Variants in CFTR observed in about 807,000 individuals in gnomAD.
CFTR encodes CF transmembrane conductance regulator, also known as cystic fibrosis transmembrane conductance regulator.
CFTR carries 181 observed loss-of-function variants against 171.6 expected under a neutral mutation model. The observed-to-expected ratio is 1.05, with a 90% confidence interval of 0.93 to 1.19. The LOEUF (loss-of-function observed/expected upper bound fraction) is 1.19. Among genes scored for constraint, CFTR ranks in the 50% most tolerant of loss-of-function variants. The pLI, the probability that CFTR is intolerant of heterozygous loss-of-function variation, is 0.00. For synonymous variants in CFTR, 583 were observed against 608.0 expected (o/e 0.96, Z 0.60); for missense variants, 1,968 against 1,734.7 (o/e 1.13, Z -2.39).
At chr7:117,482,699 CTATT>C (rs570077000) in intron 1 of CFTR, among the ~76,000 whole-genome samples, 4 of 152,252 alleles carry the variant, frequency 2.6e-5, no homozygotes, top group South Asian at 4.1e-4. Flanking sequence ...AGAGATTGTG[CTATT>C]TAATTTGGGA....
At chr7:117,567,806 C>A (rs718829) in intron 11 of CFTR, among the ~76,000 whole-genome samples, 62,482 of 152,010 alleles carry the variant, frequency 0.41, 13,170 homozygotes, top group South Asian at 0.49. Flanking sequence ...AAGGAGCTTT[C>A]ATTCTAGTAG....
At chr7:117,647,447 T>A (rs774806789) in intron 23 of CFTR, 1 of 152,074 alleles carries the variant, frequency 6.6e-6, no homozygotes, top group East Asian at 1.9e-4. Context: ...GAAGCAGGCA[T>A]GTTACACGAC....
At chr7:117,573,635 T>C (rs1192988501) in intron 11 of CFTR, among the ~76,000 whole-genome samples, 1 of 152,146 alleles carries the variant, frequency 6.6e-6, no homozygotes, top group Non-Finnish European at 1.5e-5. Flanking sequence ...TATTAAGAAC[T>C]AATGATCCAA....
At chr7:117,514,848 A>G (rs1440190227) in intron 3 of CFTR, among the ~76,000 whole-genome samples, 1 of 152,222 alleles carries the variant, frequency 6.6e-6, no homozygotes, top group Non-Finnish European at 1.5e-5. Context: ...AATAACTGCT[A>G]TTCTGACTGG....
At chr7:117,481,647 A>G (rs1798003000) in intron 1 of CFTR, among the ~76,000 whole-genome samples, 1 of 152,236 alleles carries the variant, frequency 6.6e-6, no homozygotes, top group African/African-American at 2.4e-5. Flanking sequence ...TCTGTTCTCC[A>G]AAATATTTCA....
At chr7:117,603,892 T>C (rs1393823910) in intron 17 of CFTR, 110 bp downstream of exon 17, 3 of 1,159,160 alleles carry the variant, frequency 2.6e-6, no homozygotes, top group African/African-American at 1.5e-5. Context: ...GCATGTGCCC[T>C]TTGTTGAACC....
chr7:117,551,970 G>A (rs1309131387), intron 10 of CFTR, among the ~76,000 whole-genome samples: 4 of 151,916 alleles, frequency 2.6e-5, no homozygotes, highest in African/African-American at 4.8e-5. Flanking sequence ...ATTAGCTCAC[G>A]TTTTTGCTTG....
intron 11 of CFTR, among the ~76,000 whole-genome samples, chr7:117,578,163 GA>G (rs2115992321): frequency 6.6e-6 from 1 of 151,586 alleles, no homozygotes; most frequent in Non-Finnish European, 1.5e-5. Flanking sequence ...ACACGGGTTT[GA>G]ACTATGCAGG....
At chr7:117,495,816 A>G (rs1798227520) in intron 1 of CFTR, among the ~76,000 whole-genome samples, 1 of 152,330 alleles carries the variant, frequency 6.6e-6, no homozygotes, top group Middle Eastern at 3.4e-3. Context: ...AAAACTTTCT[A>G]AAATTAACAC....
intron 11 of CFTR, among the ~76,000 whole-genome samples, chr7:117,560,430 A>G (rs889139429): frequency 6.6e-6 from 1 of 152,132 alleles, no homozygotes; most frequent in East Asian, 1.9e-4. Context: ...AGTGTTTGTG[A>G]TTCAAAAGCA....
At chr7:117,559,278 T>C (rs1041422370) in intron 10 of CFTR, among the ~76,000 whole-genome samples, 186 bp from the exon 11 acceptor site, 1 of 152,210 alleles carries the variant, frequency 6.6e-6, no homozygotes, top group Non-Finnish European at 1.5e-5. Context: ...TCTTTTACTT[T>C]CCCTTGTATC....
At chr7:117,501,327 T>C (rs892621705) in intron 1 of CFTR, among the ~76,000 whole-genome samples, 1 of 152,170 alleles carries the variant, frequency 6.6e-6, no homozygotes, top group African/African-American at 2.4e-5. Context: ...CTTAGCTCTT[T>C]CCAGCTGAGC....
At chr7:117,566,455 AT>A (rs1791603564) in intron 11 of CFTR, among the ~76,000 whole-genome samples, 1 of 152,120 alleles carries the variant, frequency 6.6e-6, no homozygotes, top group African/African-American at 2.4e-5. Context: ...TAAAACATAT[AT>A]TTGAAACACA....
At chr7:117,625,017 G>C (rs1792631141) in intron 21 of CFTR, among the ~76,000 whole-genome samples, 1 of 152,154 alleles carries the variant, frequency 6.6e-6, no homozygotes, top group South Asian at 2.1e-4. Flanking sequence ...CATAATGTTA[G>C]CTGTCCACAT....
chr7:117,573,075 T>C, intron 11 of CFTR, among the ~76,000 whole-genome samples: 1 of 151,984 alleles, frequency 6.6e-6, no homozygotes, highest in East Asian at 1.9e-4. Context: ...TCTCTCTCTT[T>C]CTGTCAATAT....
intron 21 of CFTR, among the ~76,000 whole-genome samples, chr7:117,627,007 AT>A (rs1421787914): frequency 6.6e-6 from 1 of 152,124 alleles, no homozygotes; most frequent in East Asian, 1.9e-4. Flanking sequence ...ATGTATGCCA[AT>A]GACTTAAATT....
intron 2 of CFTR, among the ~76,000 whole-genome samples, chr7:117,507,406 A>C (rs1460478849): frequency 6.6e-6 from 1 of 151,978 alleles, no homozygotes; most frequent in Non-Finnish European, 1.5e-5. Flanking sequence ...GTCACTAGAG[A>C]CCTCTTATGA....
chr7:117,514,551 T>C (rs1798570381), intron 3 of CFTR, among the ~76,000 whole-genome samples: 2 of 152,208 alleles, frequency 1.3e-5, no homozygotes, highest in Admixed American at 1.3e-4. Context: ...CTTTATCCAG[T>C]CTGTCATTGA....
intron 3 of CFTR, among the ~76,000 whole-genome samples, chr7:117,520,653 C>CATATTATT (rs1224302533): frequency 1.3e-5 from 2 of 151,916 alleles, no homozygotes; most frequent in African/African-American, 4.8e-5. Flanking sequence ...TGTCATGTCA[C>CATATTATT]ATATTATTAT....
Sources: allele counts gnomAD v4.1 joint callset (sites outside exome capture counted in the v4.1 genomes callset), GRCh38; gene constraint gnomAD v4.1.1; transcripts MANE v1.5; gene names NCBI Gene and HGNC (gene_info 2026-07-23, HGNC 2026-07-21).